Variants in RYK observed in about 807,000 individuals in gnomAD.
The protein encoded by RYK is receptor like tyrosine kinase.
In RYK, 21 loss-of-function variants were observed where a neutral mutation model predicts 70.2. That is an observed-to-expected ratio of 0.30 (90% CI 0.21 to 0.43). RYK has a LOEUF of 0.43. RYK is among the 20% of genes least tolerant of loss of function. The pLI is 1.00. For missense variants in RYK, 604 were observed against 753.3 expected, an observed-to-expected ratio of 0.80 and a Z score of 2.32; for synonymous variants, 267 against 278.0, an observed-to-expected ratio of 0.96 and a Z score of 0.39.
At position 134,250,582 on chromosome 3, in the gene RYK, G is replaced by A; in HGVS notation, c.73C>T (p.Pro25Ser). 1.9e-6 allele frequency: 2 copies of A among 1,076,226 alleles called. No individual in the cohort carries two copies. The highest frequency in any genetic ancestry group is 1.1e-6 in the Non-Finnish European group (1 of 871,626). 66.7% of individuals were successfully genotyped at this position (1,076,226 alleles called of 1,614,324 possible). Residue 25 changes from proline (P) to serine (S), a missense_variant, in exon 1 of 15, where the codon CCG (proline) becomes TCG (serine). Around this residue, in one of 2 missense-constraint regions of RYK, gnomAD observed 466 missense variants for 535.9 expected, o/e 0.87. Transcript: ENST00000623711. ...AGCAGAAGCAGCAGCGGCGGCGGCG[G>A]CGGGGCCCTCAGGCCGCGGGCCCCC... ...LPGARGLRAPPPPPLLLLLAL... is the reference protein window; with the variant it reads ...LPGARGLRAPSPPPLLLLLAL...
rs1210558103 is a variant in RYK, at chr3:134,250,515, G to A, written c.140C>T (p.Ala47Val). The A allele has an allele frequency of 2.8e-5, 34 of 1,232,896 alleles. No individual in the cohort carries two copies. Among genetic ancestry groups the A allele is most frequent in the Admixed American group, 4.1e-5 (1 of 24,212 alleles). 76.4% of individuals were successfully genotyped at this position (1,232,896 alleles called of 1,614,324 possible). A position where few individuals can be genotyped will look rare whatever the true frequency, so the allele number is the denominator to read the frequency against. Residue 47 changes from alanine (A) to valine (V), a missense_variant, in exon 1 of 15, where the codon GCC (alanine) becomes GTC (valine). Transcript: ENST00000623711. Reference sequence around the variant, plus strand: ...CAGCTCCGGGGGCCGCGGGGCGGGGGCGGCGGCAGCGCCAGGCGCGGGCAG... The same window carrying A: ...CAGCTCCGGGGGCCGCGGGGCGGGGACGGCGGCAGCGCCAGGCGCGGGCAG... ...PLLPAPGAAA[A>V]PAPRPPELQS...
intron 3 of RYK, among the ~76,000 whole-genome samples, chr3:134,210,680 C>T (rs902472347): frequency 6.6e-6 from 1 of 152,136 alleles, no homozygotes; most frequent in African/African-American, 2.4e-5. Flanking sequence ...AAGAAGTTAG[C>T]TCAAAAGCAG....
At chr3:134,246,493 C>G (rs1187285898) in intron 1 of RYK, among the ~76,000 whole-genome samples, 1 of 151,088 alleles carries the variant, frequency 6.6e-6, no homozygotes, top group Non-Finnish European at 1.5e-5. Flanking sequence ...ACCAACCACA[C>G]AAAAACTTAT....
At chr3:134,181,789 T>A in intron 10 of RYK, 1 of 152,206 alleles carries the variant, frequency 6.6e-6, no homozygotes, top group East Asian at 1.9e-4. Context: ...CACATTATGA[T>A]GTTACATTTA....
intron 13 of RYK, among the ~76,000 whole-genome samples, chr3:134,164,155 C>T (rs1215506109): frequency 2.0e-5 from 3 of 152,128 alleles, no homozygotes; most frequent in Non-Finnish European, 4.4e-5. Flanking sequence ...TCCCTTTAAA[C>T]AAAAGTCCTT....
At position 134,159,116 on chromosome 3, in the gene RYK, C is replaced by G. The variant is rs1164788125; in HGVS notation, c.1712+121G>C. The G allele has an allele frequency of 5.6e-6, 6 of 1,070,734 alleles. No homozygotes were observed. In the East Asian group the frequency reaches 1.5e-4, roughly 28 times the overall value. 66.3% of individuals were successfully genotyped at this position (1,070,734 alleles called of 1,614,324 possible). On this transcript the variant is annotated intron_variant, in intron 14 of 14. Coordinates refer to ENST00000623711, the MANE Select transcript of RYK (RefSeq NM_002958.4). The stretch of plus-strand genomic sequence containing the variant: ...TTTTTTATAAGAGTCTAATTTAAAT[C>G]CAAAGAGTCATTATTCTCAAAAGGG...
intron 5 of RYK, among the ~76,000 whole-genome samples, chr3:134,203,764 T>C (rs1334897282): frequency 6.6e-6 from 1 of 152,240 alleles, no homozygotes; most frequent in Non-Finnish European, 1.5e-5. Context: ...CCAACAGAAC[T>C]TTCTGCAGTG....
At position 134,195,239 on chromosome 3, in the gene RYK, T is replaced by A. The variant is rs562645566; in HGVS notation, c.789-57A>T. 5.7e-5 allele frequency: 74 copies of A among 1,291,744 alleles called. No homozygotes were observed. The East Asian group carries it at 1.7e-3, about 30-fold the overall frequency. 80.0% of individuals were successfully genotyped at this position (1,291,744 alleles called of 1,614,324 possible). On this transcript the variant is annotated intron_variant, in intron 6 of 14. Transcript: ENST00000623711. ...AAGTCAGTTTCAATGAGAAATTTCC[T>A]TTTTCCATACATACAAAATGCACAT... is the stretch of plus-strand genomic sequence containing the variant.
At chr3:134,181,061 A>C (rs747591479) in intron 10 of RYK, 2 of 152,236 alleles carry the variant, frequency 1.3e-5, no homozygotes, top group Non-Finnish European at 2.9e-5. Flanking sequence ...GCTACAGTGA[A>C]TATAAAACCG....
intron 5 of RYK, among the ~76,000 whole-genome samples, chr3:134,205,638 T>C (rs1358488304): frequency 6.6e-6 from 1 of 152,180 alleles, no homozygotes; most frequent in Non-Finnish European, 1.5e-5. Context: ...GGCTTTCCTA[T>C]GCATTTTTCC....
intron 9 of RYK, among the ~76,000 whole-genome samples, chr3:134,186,940 T>G (rs1446537043): frequency 6.6e-6 from 1 of 152,158 alleles, no homozygotes; most frequent in Non-Finnish European, 1.5e-5. Context: ...AATAACCTTA[T>G]AGTTCAAATT....
rs190824810 is a variant in RYK at position 134,173,766 on chromosome 3, T to G, written c.1575+1843A>C. 3.6e-3 allele frequency among the ~76,000 whole-genome samples: 555 copies of G among 152,274 alleles called. 4 individuals carry two copies. The highest frequency in any genetic ancestry group is 0.013 in the African/African-American group (533 of 41,552). On this transcript the variant is annotated intron_variant, in intron 13 of 14. Transcript: ENST00000623711. ...TATCAATATCAAATAGCACATAGTT[T>G]CTAAAAAGGAAAAAAAATTTATTTA...
At chr3:134,179,981 G>C (rs2013236659) in intron 10 of RYK, 1 of 152,182 alleles carries the variant, frequency 6.6e-6, no homozygotes, top group South Asian at 2.1e-4. Flanking sequence ...TGCCCATCTT[G>C]TAATGAAAAG....
At chr3:134,228,185 G>A (rs974615729) in intron 1 of RYK, among the ~76,000 whole-genome samples, 3 of 152,114 alleles carry the variant, frequency 2.0e-5, no homozygotes, top group Non-Finnish European at 4.4e-5. Flanking sequence ...TCACTACTTG[G>A]GTGGCTGAGA....
At chr3:134,238,995 G>A (rs757333088) in intron 1 of RYK, among the ~76,000 whole-genome samples, 4 of 152,152 alleles carry the variant, frequency 2.6e-5, no homozygotes, top group Non-Finnish European at 5.9e-5. Flanking sequence ...AGACTGCTCT[G>A]TGCCAAGCCA....
intron 1 of RYK, among the ~76,000 whole-genome samples, chr3:134,241,992 C>T (rs1407089199): frequency 2.0e-5 from 3 of 152,112 alleles, no homozygotes; most frequent in Non-Finnish European, 4.4e-5. Flanking sequence ...TCTATTCCAG[C>T]TTAAAATTTA....
At chr3:134,240,935 T>G (rs1324406611) in intron 1 of RYK, among the ~76,000 whole-genome samples, 1 of 152,232 alleles carries the variant, frequency 6.6e-6, no homozygotes, top group Non-Finnish European at 1.5e-5. Flanking sequence ...TGCAAGGGCA[T>G]TACTACACAG....
At chr3:134,226,250 A>T (rs2014909144) in intron 1 of RYK, among the ~76,000 whole-genome samples, 1 of 152,286 alleles carries the variant, frequency 6.6e-6, no homozygotes, top group South Asian at 2.1e-4. Context: ...AGATAAAAAG[A>T]TTATTATAAA....
At chr3:134,232,973 C>A (rs1179543836) in intron 1 of RYK, among the ~76,000 whole-genome samples, 4 of 152,260 alleles carry the variant, frequency 2.6e-5, no homozygotes, top group African/African-American at 9.6e-5. Context: ...TTAAAATGAG[C>A]ACCTGTACCC....
Sources: gnomAD v4.1 joint callset for allele counts (sites outside exome capture counted in the v4.1 genomes callset) on GRCh38, gnomAD v4.1.1 for gene constraint, gnomAD v4.1.1 regional missense constraint, MANE v1.5 for transcripts, NCBI Gene and HGNC (gene_info 2026-07-23, HGNC 2026-07-21) for gene names.